TRHDE: variants seen among roughly 807,000 people sequenced by gnomAD.
TRHDE encodes thyrotropin releasing hormone degrading enzyme, also known as thyrotropin-releasing hormone-degrading ectoenzyme.
A neutral mutation model predicts 125.7 loss-of-function variants in TRHDE; 72 were observed. The ratio of observed to expected loss-of-function variants is 0.57; its 90% CI spans 0.47 to 0.70. TRHDE has a LOEUF of 0.70. Among genes scored for constraint, TRHDE ranks in the 30% least tolerant of loss-of-function variants. The pLI, the probability that TRHDE is intolerant of heterozygous loss-of-function variation, is 0.00. For missense variants in TRHDE, 1,110 were observed against 1,327.1 expected (o/e 0.84, Z 2.54); for synonymous variants, 509 against 509.1 (o/e 1.00, Z 0.00).
intron 1 of TRHDE, among the ~76,000 whole-genome samples, chr12:72,285,325 G>A (rs1197279078): frequency 6.6e-6 from 1 of 152,108 alleles, no homozygotes; most frequent in Non-Finnish European, 1.5e-5. Context: ...GATGGAGAGA[G>A]GAGTGGTGGC....
intron 2 of TRHDE, among the ~76,000 whole-genome samples, chr12:72,238,320 ATACATATATATATACACAT>A (rs1455894603): frequency 3.4e-5 from 1 of 29,216 alleles, no homozygotes; most frequent in African/African-American, 1.1e-4. Flanking sequence ...ATATATATAT[ATACATATATATATACACAT>A]TATATATATA....
chr12:72,570,797 T>C (rs1870688834), intron 10 of TRHDE, among the ~76,000 whole-genome samples: 1 of 152,168 alleles, frequency 6.6e-6, no homozygotes, highest in Admixed American at 6.6e-5. Context: ...AGTAGATAAC[T>C]GTAGGAGGCG....
intron 6 of TRHDE, among the ~76,000 whole-genome samples, chr12:72,528,730 C>A (rs1287747366): frequency 2.0e-5 from 3 of 152,006 alleles, no homozygotes; most frequent in South Asian, 2.1e-4. Context: ...CTCGTGACCC[C>A]CCGCCTCTGC....
At chr12:72,212,437 A>G (rs1877802249) in intron 2 of TRHDE, among the ~76,000 whole-genome samples, 1 of 152,166 alleles carries the variant, frequency 6.6e-6, no homozygotes. Flanking sequence ...GAATCCACAC[A>G]ATGAAATAAA....
rs567337771 is a variant in TRHDE at position 72,460,551 on chromosome 12, G to A, written c.1316-9207G>A. Among the ~76,000 whole-genome samples, 127 of 152,206 alleles carry A rather than the reference G, an allele frequency of 8.3e-4. 1 individual carries two copies. Among genetic ancestry groups the A allele is most frequent in the African/African-American group, 2.9e-3 (121 of 41,518 alleles). On this transcript the variant is annotated intron_variant, in intron 3 of 18. Coordinates refer to ENST00000261180, the MANE Select transcript of TRHDE (RefSeq NM_013381.3). ...GCCTAAATCAGTCTGGCCAGTATTAGGTAATGAGCAAGTATTTTTGGAATA... is the reference window on the plus strand; with the variant it reads ...GCCTAAATCAGTCTGGCCAGTATTAAGTAATGAGCAAGTATTTTTGGAATA...
Position 72,532,430 on chromosome 12 carries a change from G to A in TRHDE, c.1723-9861G>A, listed in dbSNP as rs367681344. 6.8e-4 allele frequency among the ~76,000 whole-genome samples: 102 copies of A among 150,626 alleles called. 2 individuals carry two copies. In the South Asian group the frequency reaches 0.016, roughly 23 times the overall value. ...CTGCTTTATTTTTTAAATTTCATTC[G>A]TTCATTTTATTATACTTTTGAATAG... On this transcript the variant is annotated intron_variant, in intron 6 of 18. Coordinates refer to ENST00000261180, the MANE Select transcript of TRHDE (RefSeq NM_013381.3).
At chr12:72,597,713 G>GTATATATATATA (rs762515309) in intron 12 of TRHDE, among the ~76,000 whole-genome samples, 25 of 18,440 alleles carry the variant, frequency 1.4e-3, no homozygotes, top group South Asian at 2.4e-3. Flanking sequence ...GTGTGTGTAT[G>GTATATATATATA]TATATATATA....
chr12:72,180,040 T>A (rs1877064843), intron 2 of TRHDE, among the ~76,000 whole-genome samples: 1 of 151,840 alleles, frequency 6.6e-6, no homozygotes, highest in South Asian at 2.1e-4. Flanking sequence ...TTGATATTAC[T>A]ACTAATAATT....
In TRHDE at chr12:72,647,205, G is replaced by C. The variant is rs1165607063; in HGVS notation, c.2676-5117G>C. Among the ~76,000 whole-genome samples, 4 of 151,980 alleles carry C rather than the reference G, an allele frequency of 2.6e-5. No homozygotes were observed. In the East Asian group the frequency reaches 5.8e-4, roughly 22 times the overall value. On this transcript the variant is annotated intron_variant, in intron 15 of 18. Coordinates refer to ENST00000261180, the MANE Select transcript of TRHDE (RefSeq NM_013381.3). ...GTTTACAAATATGTGGATTAAGCAA[G>C]ATACTCTTGAACAACAATTGAGTCA...
intron 2 of TRHDE, among the ~76,000 whole-genome samples, chr12:72,121,979 C>T (rs1055538596): frequency 3.9e-5 from 6 of 152,212 alleles, no homozygotes; most frequent in African/African-American, 1.4e-4. Flanking sequence ...TTTTCTCTGT[C>T]TCTACCCTCC....
At chr12:72,500,175 A>C (rs1389838295) in intron 6 of TRHDE, among the ~76,000 whole-genome samples, 1 of 152,200 alleles carries the variant, frequency 6.6e-6, no homozygotes, top group Non-Finnish European at 1.5e-5. Context: ...TTTTGAGCCA[A>C]TGACTAGATA....
intron 15 of TRHDE, among the ~76,000 whole-genome samples, chr12:72,644,275 T>C (rs1279490678): frequency 6.6e-6 from 1 of 151,856 alleles, no homozygotes; most frequent in Admixed American, 6.6e-5. Flanking sequence ...TCCTCCCGGC[T>C]TCTCCCAGGG....
chr12:72,096,134 T>TACACAC (rs144560604), intron 1 of TRHDE, among the ~76,000 whole-genome samples: 72,863 of 144,966 alleles, frequency 0.5, 20,623 homozygotes, highest in East Asian at 0.68. Flanking sequence ...CTTATGTGTA[T>TACACAC]ACACACACAC....
intron 12 of TRHDE, among the ~76,000 whole-genome samples, chr12:72,591,025 C>T (rs1871649417): frequency 6.6e-6 from 1 of 152,160 alleles, no homozygotes; most frequent in Non-Finnish European, 1.5e-5. Flanking sequence ...CTAGGGAAGC[C>T]TCACGATCAT....
intron 2 of TRHDE, among the ~76,000 whole-genome samples, chr12:72,305,154 T>C (rs1008077337): frequency 6.6e-6 from 1 of 152,230 alleles, no homozygotes; most frequent in African/African-American, 2.4e-5. Context: ...ATATCATTTA[T>C]GGCTCATTTT....
At chr12:72,637,230 G>C (rs1373289938) in intron 15 of TRHDE, among the ~76,000 whole-genome samples, 13 of 151,262 alleles carry the variant, frequency 8.6e-5, no homozygotes, top group Admixed American at 8.6e-4. Flanking sequence ...GTTTAGTCTT[G>C]GGAGAGTGTT....
intron 1 of TRHDE, among the ~76,000 whole-genome samples, chr12:72,100,081 A>C (rs1335500239): frequency 6.6e-6 from 1 of 151,958 alleles, no homozygotes; most frequent in Non-Finnish European, 1.5e-5. Flanking sequence ...TACTTTAAAT[A>C]ATGGTTAGGA....
chr12:72,535,289 C>G (rs983228069), intron 6 of TRHDE, among the ~76,000 whole-genome samples: 2 of 151,950 alleles, frequency 1.3e-5, no homozygotes. Context: ...CATGACAGAA[C>G]CAGGACTCTT....
intron 2 of TRHDE, among the ~76,000 whole-genome samples, chr12:72,114,662 CA>C (rs780714805): frequency 6.6e-6 from 1 of 152,000 alleles, no homozygotes; most frequent in African/African-American, 2.4e-5. Context: ...CTTCACGGTT[CA>C]GGGGTGTTTA....
Sources: gnomAD v4.1 joint callset for allele counts (sites outside exome capture counted in the v4.1 genomes callset) on GRCh38, gnomAD v4.1.1 for gene constraint, MANE v1.5 for transcripts, NCBI Gene and HGNC (gene_info 2026-07-23, HGNC 2026-07-21) for gene names.